GBF1: variants seen among roughly 807,000 people sequenced by gnomAD.
GBF1 encodes the protein Golgi-specific brefeldin A-resistance guanine nucleotide exchange factor 1.
In GBF1, 114 loss-of-function variants were observed where a neutral mutation model predicts 210.5. The observed-to-expected ratio is 0.54, with a 90% confidence interval of 0.47 to 0.63. The LOEUF is 0.63. Among genes scored for constraint, GBF1 ranks in the 30% least tolerant of loss-of-function variants. The pLI is 0.00. For synonymous variants in GBF1, 850 were observed against 889.2 expected (o/e 0.96, Z 0.78); for missense variants, 1,851 against 2,357.7 (o/e 0.79, Z 4.45).
chr10:102,380,225 C>A (rs1378464441), intron 36 of GBF1, 24 bp from the exon 37 acceptor site: 3 of 1,515,060 alleles, frequency 2.0e-6, no homozygotes, highest in Non-Finnish European at 2.8e-6. Flanking sequence ...GTCCCCTCAG[C>A]TGAAGGGGGC....
At chr10:102,244,378 G>A (rs1462421409), upstream of GBF1, among the ~76,000 whole-genome samples, 2 of 152,140 alleles carry the variant, frequency 1.3e-5, no homozygotes, top group Non-Finnish European at 2.9e-5. Flanking sequence ...TCCCAAATAG[G>A]CTGGGAATTT....
At chr10:102,244,106 G>T (rs1360255265), upstream of GBF1, among the ~76,000 whole-genome samples, 2 of 152,166 alleles carry the variant, frequency 1.3e-5, no homozygotes, top group Non-Finnish European at 2.9e-5. Flanking sequence ...CTCCATCCTG[G>T]ATGACAAAGC....
chr10:102,329,853 A>G (rs1038031001), intron 3 of GBF1, among the ~76,000 whole-genome samples: 1 of 152,160 alleles, frequency 6.6e-6, no homozygotes, highest in African/African-American at 2.4e-5. Context: ...TTATGCCTAT[A>G]ATCCCAGCAC....
chr10:102,361,114 A>G lies in GBF1; in HGVS notation c.1485A>G (p.Gln495=), dbSNP rs2059578276. The G allele has an allele frequency of 1.9e-6, 3 of 1,546,966 alleles. No homozygotes were observed. Among genetic ancestry groups the G allele is most frequent in the Non-Finnish European group, 8.9e-7 (1 of 1,118,702 alleles). The change falls in exon 13 of 40, where the codon CAA becomes CAG. Residue 495 remains glutamine, a synonymous_variant. Coordinates refer to ENST00000369983, the MANE Select transcript of GBF1 (RefSeq NM_001377137.1). ...GCATGCGAGAGCACCTCAAGTTCCA[A>G]ATGGAGGTGAGTTTCTTGATGTGGA... is the stretch of plus-strand genomic sequence containing the variant. The part of the protein sequence containing the change: ...FESMREHLKF[Q]MEMYIKKLME...
chr10:102,348,618 C>T (rs76206313), intron 4 of GBF1, among the ~76,000 whole-genome samples: 6 of 152,154 alleles, frequency 3.9e-5, no homozygotes, highest in South Asian at 2.1e-4. Flanking sequence ...TTGTGCTGAT[C>T]GGGAGAAACG....
chr10:102,351,775 C>G (rs1045543796), intron 5 of GBF1, 68 bp from the exon 6 acceptor site: 1 of 903,822 alleles, frequency 1.1e-6, no homozygotes. Context: ...TTGCTAACCC[C>G]TCTCTCTTAC....
At chr10:102,288,538 C>T (rs1383861279) in intron 3 of GBF1, among the ~76,000 whole-genome samples, 1 of 151,506 alleles carries the variant, frequency 6.6e-6, no homozygotes, top group Non-Finnish European at 1.5e-5. Flanking sequence ...GGTGAAACCC[C>T]GTCTCTACTA....
chr10:102,346,063 G>A (rs1362777309), intron 4 of GBF1, among the ~76,000 whole-genome samples: 1 of 151,694 alleles, frequency 6.6e-6, no homozygotes, highest in Admixed American at 6.6e-5. Context: ...AAGCATCCTT[G>A]ATCACATGTC....
chr10:102,334,665 C>T (rs547973243), intron 3 of GBF1, among the ~76,000 whole-genome samples: 7 of 152,098 alleles, frequency 4.6e-5, no homozygotes, highest in Admixed American at 1.3e-4. Flanking sequence ...TAGCTAATAA[C>T]GGTGAAACCC....
upstream of GBF1, among the ~76,000 whole-genome samples, chr10:102,242,104 G>T (rs1265782958): frequency 1.3e-5 from 2 of 152,136 alleles, no homozygotes; most frequent in Non-Finnish European, 2.9e-5. Context: ...CACTTTAAAA[G>T]ACTCATTTCT....
Position 102,366,446 on chromosome 10 carries a change from T to C in GBF1, c.2373T>C (p.Arg791=). The change falls in exon 19 of 40, where the codon CGT becomes CGC. Residue 791 remains arginine, a synonymous_variant. Transcript: ENST00000369983. The surrounding 1 kb of genome is among the most constrained non-coding windows in gnomAD (Gnocchi z 4.0). ...TCCGCCTCTACCTGGAAGCCTTCCG[T>C]TTGCCTGGGGAAGCACCAGTCATCC... ...EALRLYLEAF[R]LPGEAPVIQR... 6.2e-7 allele frequency: 1 copy of C among 1,614,074 alleles called. No individual in the cohort carries two copies. Among genetic ancestry groups the C allele is most frequent in the Non-Finnish European group, 8.5e-7 (1 of 1,179,938 alleles).
chr10:102,297,103 C>T (rs1475929728), intron 3 of GBF1, among the ~76,000 whole-genome samples: 5 of 151,608 alleles, frequency 3.3e-5, no homozygotes, highest in Non-Finnish European at 7.4e-5. Context: ...AAGCATAAGA[C>T]TTAAGATGAG....
chr10:102,338,109 T>C (rs1314666625), intron 3 of GBF1, among the ~76,000 whole-genome samples: 2 of 152,200 alleles, frequency 1.3e-5, no homozygotes, highest in Admixed American at 1.3e-4. Context: ...TGAAGGTTCC[T>C]GGTGGGCTCA....
At chr10:102,241,011 C>G (rs546227791), upstream of GBF1, among the ~76,000 whole-genome samples, 2 of 151,590 alleles carry the variant, frequency 1.3e-5, no homozygotes, top group South Asian at 2.1e-4. This position sits in a 1 kb window ranked among gnomAD's most constrained non-coding sequence, Gnocchi z 6.7. Context: ...CCGCCTGCCC[C>G]GTGCCCTGGG....
At chr10:102,378,945 T>C (rs2060674110) in intron 33 of GBF1, among the ~76,000 whole-genome samples, 1 of 152,068 alleles carries the variant, frequency 6.6e-6, no homozygotes, top group Admixed American at 6.5e-5. Flanking sequence ...AAAAATAAAA[T>C]TAAATTAACA....
At chr10:102,376,190 C>CT in intron 30 of GBF1, 82 bp from the exon 31 acceptor site, 3 of 1,119,166 alleles carry the variant, frequency 2.7e-6, no homozygotes, top group African/African-American at 1.5e-5. Context: ...GCCTCAGCAT[C>CT]TTTTTTCTGA....
At chr10:102,275,343 A>T (rs180882477) in intron 3 of GBF1, among the ~76,000 whole-genome samples, 28 of 152,278 alleles carry the variant, frequency 1.8e-4, no homozygotes, top group Non-Finnish European at 3.7e-4. Flanking sequence ...TTTGAACAGG[A>T]TTTAGCTTCA....
chr10:102,261,400 C>A (rs753187162), intron 3 of GBF1, among the ~76,000 whole-genome samples: 1 of 152,016 alleles, frequency 6.6e-6, no homozygotes, highest in African/African-American at 2.4e-5. Flanking sequence ...ACAAAGGGCT[C>A]CTGCAGTGTA....
rs1403683328 is a variant in GBF1 at position 102,369,227 on chromosome 10, C to T, written c.2990C>T (p.Pro997Leu). ...ALSSESIENL[P>L]SVFGSNPKAH... ...CTTTTCCAGTCTATTGAGAACCTGC[C>T]CAGTGTATTTGGAAGCAACCCTAAA... The change falls in exon 24 of 40, where the codon CCC becomes CTC. Residue 997 changes from proline to leucine, a missense_variant. Around this residue, in one of 3 missense-constraint regions of GBF1, gnomAD observed 967 missense variants for 1,247.7 expected, o/e 0.78. Transcript: ENST00000369983. The T allele has an allele frequency of 6.2e-7, 1 of 1,612,998 alleles. No individual in the cohort carries two copies. Among genetic ancestry groups the T allele is most frequent in the Non-Finnish European group, 8.5e-7 (1 of 1,179,010 alleles).
Sources: gnomAD v4.1 joint callset for allele counts (sites outside exome capture counted in the v4.1 genomes callset) on GRCh38, gnomAD v4.1.1 for gene constraint, gnomAD v4.1.1 regional missense constraint, Gnocchi (gnomAD v3.1) non-coding constraint, MANE v1.5 for transcripts, NCBI Gene and HGNC (gene_info 2026-07-23, HGNC 2026-07-21) for gene names.